The following SBNO1 variants were observed in gnomAD, a reference collection of about 807,000 sequenced individuals.
SBNO1 encodes the protein strawberry notch homolog 1, also known as protein strawberry notch homolog 1.
Under a neutral mutation model 173.6 loss-of-function variants are expected in SBNO1, and 23 were observed. The ratio of observed to expected loss-of-function variants is 0.13; its 90% CI spans 0.10 to 0.19. SBNO1 has a LOEUF of 0.19. SBNO1 is among the 10% of genes least tolerant of loss of function. SBNO1 has a pLI of 1.00. For missense variants in SBNO1, 1,238 were observed against 1,671.2 expected (o/e 0.74, Z 4.52); for synonymous variants, 632 against 571.5 (o/e 1.11, Z -1.51).
rs1388615622 is a variant in SBNO1, at chr12:123,315,628, G to A, written c.2968C>T (p.Pro990Ser). Residue 990 changes from proline to serine, a missense_variant, in exon 22 of 32, where the codon CCT (proline) becomes TCT (serine). Coordinates refer to ENST00000602398, the MANE Select transcript of SBNO1 (RefSeq NM_001167856.3). The part of the protein sequence containing the change: ...RTHRSNQVTA[P>S]EYVFLISELA... ...TCAGATATCAGAAAGACATACTCAG[G>A]AGCAGTAACTTGGTTTGATCTATGA... is the stretch of plus-strand genomic sequence containing the variant. 1.2e-6 allele frequency: 2 copies of A among 1,613,702 alleles called. No individual in the cohort carries two copies. Among genetic ancestry groups the A allele is most frequent in the East Asian group, 2.2e-5 (1 of 44,866 alleles).
chr12:123,300,785 C>A (rs1424303519), intron 30 of SBNO1, among the ~76,000 whole-genome samples: 1 of 151,822 alleles, frequency 6.6e-6, no homozygotes, highest in Non-Finnish European at 1.5e-5. Context: ...CATGGTAAAA[C>A]CCTGTCTCTA....
At chr12:123,352,182 T>A (rs1244821991) in intron 1 of SBNO1, among the ~76,000 whole-genome samples, 1 of 152,224 alleles carries the variant, frequency 6.6e-6, no homozygotes, top group Non-Finnish European at 1.5e-5. Flanking sequence ...ATGAAAAATC[T>A]GTACTCTTCT....
Position 123,345,413 on chromosome 12 carries a change from G to T in SBNO1, c.395C>A (p.Pro132Gln), listed in dbSNP as rs143840613. Residue 132 changes from proline (P) to glutamine (Q), a missense_variant, in exon 4 of 32, where the codon CCG (proline) becomes CAG (glutamine). Transcript: ENST00000602398. ...TCGTACTGTTGGTGCTGAGACTGACGGGCGTGTGCTTGCAGTAGTCTGGAT... is the reference window on the plus strand; with the variant it reads ...TCGTACTGTTGGTGCTGAGACTGACTGGCGTGTGCTTGCAGTAGTCTGGAT... The part of the protein sequence containing the change: ...KFIQTTASTR[P>Q]SVSAPTVRNA... The T allele has an allele frequency of 1.4e-5, 23 of 1,614,014 alleles. No homozygotes were observed. The African/African-American group carries it at 2.8e-4, about 20-fold the overall frequency.
chr12:123,326,624 A>C (rs1349788513), intron 13 of SBNO1, among the ~76,000 whole-genome samples: 2 of 152,170 alleles, frequency 1.3e-5, no homozygotes, highest in Non-Finnish European at 2.9e-5. Context: ...GGACAATCTG[A>C]AATATAAGAA....
intron 13 of SBNO1, among the ~76,000 whole-genome samples, chr12:123,327,122 C>G (rs896714961): frequency 6.6e-6 from 1 of 152,162 alleles, no homozygotes. Context: ...TCTCCTGCCT[C>G]AGCCTCCCCA....
intron 1 of SBNO1, among the ~76,000 whole-genome samples, chr12:123,357,366 C>G (rs1041576570): frequency 1.3e-5 from 2 of 151,598 alleles, no homozygotes; most frequent in Non-Finnish European, 2.9e-5. Flanking sequence ...AGGAGAACAC[C>G]GGAACCCAGG....
chr12:123,318,967 G>GTT (rs575457621), intron 20 of SBNO1, among the ~76,000 whole-genome samples: 24 of 135,720 alleles, frequency 1.8e-4, no homozygotes, highest in Admixed American at 4.5e-4. Context: ...CTAAGGGAAC[G>GTT]TTTTTTTTTT....
rs764699291 is a variant in SBNO1, at chr12:123,315,674, T to C, written c.2936-14A>G. 4 of 1,500,802 alleles carry C rather than the reference T, an allele frequency of 2.7e-6. No individual in the cohort carries two copies. In the South Asian group the frequency reaches 3.4e-5, roughly 13 times the overall value. 93.0% of individuals were successfully genotyped at this position (1,500,802 alleles called of 1,614,324 possible). A position where few individuals can be genotyped will look rare whatever the true frequency, so the allele number is the denominator to read the frequency against. ...TATGAGTACGTCCTGCAACGAAATT[T>C]TGTTTTAAAGATCATTGATTGTGTT... On this transcript the variant is annotated splice_polypyrimidine_tract_variant and intron_variant, in intron 21 of 31. Coordinates refer to ENST00000602398, the MANE Select transcript of SBNO1 (RefSeq NM_001167856.3).
At chr12:123,304,905 T>C (rs2048877347) in intron 28 of SBNO1, among the ~76,000 whole-genome samples, 186 bp from the exon 29 acceptor site, 1 of 152,342 alleles carries the variant, frequency 6.6e-6, no homozygotes, top group African/African-American at 2.4e-5. Flanking sequence ...GAGGCAGTTA[T>C]TGGACCTTAA....
Position 123,345,396 on chromosome 12 carries a change from T to G in SBNO1, c.412A>C (p.Thr138Pro). ...GCAGAGGTCATGGCATTTCGTACTG[T>G]TGGTGCTGAGACTGACGGGCGTGTG... ...ASTRPSVSAP[T>P]VRNAMTSAPS... The change falls in exon 4 of 32, where the codon ACA becomes CCA. Residue 138 changes from threonine to proline, a missense_variant. Transcript: ENST00000602398. 6.2e-7 allele frequency: 1 copy of G among 1,614,222 alleles called. No individual in the cohort carries two copies. Among genetic ancestry groups the G allele is most frequent in the Non-Finnish European group, 8.5e-7 (1 of 1,180,050 alleles).
chr12:123,338,765 C>G (rs956327525), intron 5 of SBNO1, among the ~76,000 whole-genome samples: 1 of 151,862 alleles, frequency 6.6e-6, no homozygotes, highest in African/African-American at 2.4e-5. Context: ...CCCAGCTGCT[C>G]AGGAGGCTGA....
intron 15 of SBNO1, 98 bp downstream of exon 15, chr12:123,325,404 T>C (rs1412108198): frequency 2.5e-6 from 2 of 795,504 alleles, no homozygotes; most frequent in Non-Finnish European, 4.2e-6. Context: ...ATGATGCAGG[T>C]GAAACAAAAG....
intron 20 of SBNO1, among the ~76,000 whole-genome samples, 171 bp from the exon 21 acceptor site, chr12:123,317,527 C>G (rs1869425039): frequency 6.6e-6 from 1 of 152,120 alleles, no homozygotes; most frequent in African/African-American, 2.4e-5. Context: ...ATTCTCCAGC[C>G]AGCAAGGTGT....
At chr12:123,333,136 A>G (rs1475923893) in intron 7 of SBNO1, among the ~76,000 whole-genome samples, 5 of 152,274 alleles carry the variant, frequency 3.3e-5, no homozygotes, top group Middle Eastern at 3.4e-3. Context: ...AAAAAAAAAA[A>G]AAGTGCTGGG....
chr12:123,297,400 C>CAAAAAAAAAAAAAAAAAAAA (rs59447456), intron 31 of SBNO1, among the ~76,000 whole-genome samples: 556 of 31,440 alleles, frequency 0.018, 96 homozygotes, highest in African/African-American at 0.027. Context: ...TACTGGTGTC[C>CAAAAAAAAAAAAAAAAAAAA]AAAAAAAAAA....
Position 123,298,058 on chromosome 12 carries a change from CCCT to C in SBNO1, c.3956_3958del (p.Glu1319del), listed in dbSNP as rs2048665760. On this transcript the variant is annotated inframe_deletion, in exon 31 of 32. Coordinates refer to ENST00000602398, the MANE Select transcript of SBNO1 (RefSeq NM_001167856.3). Reference sequence around the variant, plus strand: ...TGTGCCACTGACAGATGCTAGAACACCCTCAACTTTTGTCCAGACACTCAGCAC... The same window carrying C: ...TGTGCCACTGACAGATGCTAGAACACCAACTTTTGTCCAGACACTCAGCAC... The C allele has an allele frequency of 6.2e-7, 1 of 1,613,730 alleles. No individual in the cohort carries two copies. The highest frequency in any genetic ancestry group is 1.7e-5 in the Admixed American group (1 of 59,894).
Position 123,327,762 on chromosome 12 carries a change from C to T in SBNO1, c.1483G>A (p.Gly495Ser), listed in dbSNP as rs1208367593. The T allele has an allele frequency of 6.2e-6, 10 of 1,613,772 alleles. No individual in the cohort carries two copies. The highest frequency in any genetic ancestry group is 1.1e-5 in the South Asian group (1 of 91,072). Residue 495 changes from glycine (G) to serine (S), a missense_variant, in exon 12 of 32, where the codon GGT (glycine) becomes AGT (serine). Coordinates refer to ENST00000602398, the MANE Select transcript of SBNO1 (RefSeq NM_001167856.3). ...AATTCTCTAAATGGAGTACCCTCACCCCATATGCCAAGACGGTTCATATAG... is the reference window on the plus strand; with the variant it reads ...AATTCTCTAAATGGAGTACCCTCACTCCATATGCCAAGACGGTTCATATAG... ...MAYMNRLGIW[G>S]EGTPFREFSD... is the part of the protein sequence containing the mutation.
Position 123,323,732 on chromosome 12 carries a change from G to A in SBNO1, c.2073C>T (p.Asn691=). The A allele has an allele frequency of 1.9e-6, 3 of 1,612,358 alleles. No individual in the cohort carries two copies. The highest frequency in any genetic ancestry group is 2.5e-6 in the Non-Finnish European group (3 of 1,179,422). Residue 691 remains asparagine, a synonymous_variant, in exon 16 of 32, where the codon AAC becomes AAT. Coordinates refer to ENST00000602398, the MANE Select transcript of SBNO1 (RefSeq NM_001167856.3). ...LGIDLTAPSN[N]SSPRDSPCKE... ...TACAAGGACTATCTCTTGGCGAACT[G>A]TTGTTACTTGGAGCTGTCAAATCGA...
chr12:123,323,724 G>T lies in SBNO1; in HGVS notation c.2081C>A (p.Pro694Gln). ...ATTTTCTTTACAAGGACTATCTCTT[G>T]GCGAACTGTTGTTACTTGGAGCTGT... ...DLTAPSNNSSPRDSPCKENKI... is the reference protein window; with the variant it reads ...DLTAPSNNSSQRDSPCKENKI... The change falls in exon 16 of 32, where the codon CCA becomes CAA. Residue 694 changes from proline (P) to glutamine (Q), a missense_variant. Coordinates refer to ENST00000602398, the MANE Select transcript of SBNO1 (RefSeq NM_001167856.3). 6.2e-7 allele frequency: 1 copy of T among 1,611,868 alleles called. No individual in the cohort carries two copies. The highest frequency in any genetic ancestry group is 8.5e-7 in the Non-Finnish European group (1 of 1,179,290).
Sources: allele counts gnomAD v4.1 joint callset (sites outside exome capture counted in the v4.1 genomes callset), GRCh38; gene constraint gnomAD v4.1.1; transcripts MANE v1.5; gene names NCBI Gene and HGNC (gene_info 2026-07-23, HGNC 2026-07-21).